The following RHBDD1 variants were observed in gnomAD, a reference collection of about 807,000 sequenced individuals.
RHBDD1 encodes the protein rhomboid-related protein 4.
RHBDD1 carries 38 observed loss-of-function variants against 36.3 expected under a neutral mutation model. That is an observed-to-expected ratio of 1.05 (90% CI 0.81 to 1.37). The LOEUF is 1.37. Ranked by LOEUF, RHBDD1 falls within the 40% of genes most tolerant of loss-of-function variation. The probability of loss-of-function intolerance (pLI) is 0.00; values close to 1 mark genes in which losing one functional copy is unlikely to be tolerated. For missense variants in RHBDD1, 393 were observed against 377.6 expected, an observed-to-expected ratio of 1.04 and a Z score of -0.34; for synonymous variants, 151 against 136.5, an observed-to-expected ratio of 1.11 and a Z score of -0.74.
At chr2:226,941,286 C>T (rs774015904) in intron 8 of RHBDD1, among the ~76,000 whole-genome samples, 1 of 152,170 alleles carries the variant, frequency 6.6e-6, no homozygotes, top group Non-Finnish European at 1.5e-5. Flanking sequence ...TTTTCTAGGG[C>T]TCCCATGAGT....
At chr2:226,958,007 A>G (rs149589202) in intron 8 of RHBDD1, among the ~76,000 whole-genome samples, 20 of 152,330 alleles carry the variant, frequency 1.3e-4, no homozygotes, top group African/African-American at 4.8e-4. Flanking sequence ...AAGGTTAAAC[A>G]TACAGTTTAA....
intron 8 of RHBDD1, among the ~76,000 whole-genome samples, chr2:226,968,575 G>T (rs1952848221): frequency 6.6e-6 from 1 of 152,140 alleles, no homozygotes; most frequent in African/African-American, 2.4e-5. Context: ...GTGTTTAATT[G>T]AATAACCTGA....
At chr2:226,955,120 G>C (rs559688003) in intron 8 of RHBDD1, among the ~76,000 whole-genome samples, 1 of 152,160 alleles carries the variant, frequency 6.6e-6, no homozygotes, top group East Asian at 1.9e-4. Context: ...CTTGGCTGAG[G>C]GGGCTGTGAG....
At chr2:226,855,550 T>C (rs1943241310) in intron 3 of RHBDD1, among the ~76,000 whole-genome samples, 1 of 152,176 alleles carries the variant, frequency 6.6e-6, no homozygotes, top group Non-Finnish European at 1.5e-5. Flanking sequence ...GTCAGAAAGA[T>C]ACAGCCAGTT....
chr2:226,967,700 T>G (rs1017244746), intron 8 of RHBDD1, among the ~76,000 whole-genome samples: 1 of 152,068 alleles, frequency 6.6e-6, no homozygotes. Context: ...ATTGTTATAG[T>G]GGAAAGAAGG....
chr2:226,963,867 A>G (rs1952416985), intron 8 of RHBDD1, among the ~76,000 whole-genome samples: 1 of 152,020 alleles, frequency 6.6e-6, no homozygotes, highest in South Asian at 2.1e-4. Flanking sequence ...CCATCATGAA[A>G]ACTACAAACG....
intron 8 of RHBDD1, among the ~76,000 whole-genome samples, chr2:226,941,645 A>G (rs2149161459): frequency 6.6e-6 from 1 of 152,322 alleles, no homozygotes; most frequent in African/African-American, 2.4e-5. Context: ...GGTCTTTTAG[A>G]TGTTGTCTAG....
chr2:226,802,682 C>A, the RHBDD1 span, among the ~76,000 whole-genome samples: 65 of 152,318 alleles, frequency 4.3e-4, 1 homozygote, highest in African/African-American at 1.5e-3. Flanking sequence ...TTACCAAAAT[C>A]TGTTGCTCAA....
the RHBDD1 span, among the ~76,000 whole-genome samples, chr2:226,817,454 A>T: frequency 6.6e-6 from 1 of 152,224 alleles, no homozygotes; most frequent in Non-Finnish European, 1.5e-5. Flanking sequence ...CTCAGCAGGG[A>T]ACCAAGAGGA....
chr2:226,887,933 A>C (rs776703943), intron 5 of RHBDD1, among the ~76,000 whole-genome samples: 2 of 152,218 alleles, frequency 1.3e-5, no homozygotes, highest in Non-Finnish European at 2.9e-5. Context: ...AATAACCTTA[A>C]AGTCATTTAA....
At chr2:226,800,900 T>C in the RHBDD1 span, among the ~76,000 whole-genome samples, 12 of 152,226 alleles carry the variant, frequency 7.9e-5, no homozygotes, top group Non-Finnish European at 1.2e-4. Flanking sequence ...CTGGGTCTAC[T>C]TGAAGCGCCC....
intron 5 of RHBDD1, among the ~76,000 whole-genome samples, chr2:226,893,157 A>G (rs1384281175): frequency 1.3e-5 from 2 of 152,196 alleles, no homozygotes; most frequent in African/African-American, 4.8e-5. Flanking sequence ...GAGTCCATCT[A>G]CCATAGGGCC....
At chr2:226,830,148 A>G in the RHBDD1 span, among the ~76,000 whole-genome samples, 3 of 152,194 alleles carry the variant, frequency 2.0e-5, no homozygotes, top group Non-Finnish European at 4.4e-5. Context: ...TCTTATGTTC[A>G]AATTCTAATC....
chr2:226,817,419 A>G, the RHBDD1 span, among the ~76,000 whole-genome samples: 1 of 152,210 alleles, frequency 6.6e-6, no homozygotes, highest in African/African-American at 2.4e-5. Flanking sequence ...ATAACTGGGC[A>G]CCGATCAGGT....
intron 3 of RHBDD1, among the ~76,000 whole-genome samples, chr2:226,855,530 ATAAAT>A (rs968003297): frequency 2.6e-5 from 4 of 152,234 alleles, no homozygotes; most frequent in Admixed American, 6.5e-5. Context: ...TCTAGGTTTG[ATAAAT>A]TAAAGTCAGA....
the RHBDD1 span, among the ~76,000 whole-genome samples, chr2:226,802,293 A>C: frequency 6.6e-6 from 1 of 152,250 alleles, no homozygotes; most frequent in Non-Finnish European, 1.5e-5. Flanking sequence ...CTGCTGTGAC[A>C]AATTATGTTC....
At chr2:226,842,109 C>T (rs1206439116) in intron 3 of RHBDD1, among the ~76,000 whole-genome samples, 1 of 152,072 alleles carries the variant, frequency 6.6e-6, no homozygotes, top group Admixed American at 6.5e-5. Flanking sequence ...TGAGAAGTGT[C>T]TGTTCATGTC....
At position 226,864,937 on chromosome 2, in the gene RHBDD1, T is replaced by G; in HGVS notation, c.244T>G (p.Tyr82Asp). 1 of 1,614,236 alleles carries G rather than the reference T, an allele frequency of 6.2e-7. No individual in the cohort carries two copies. The highest frequency in any genetic ancestry group is 1.1e-5 in the South Asian group (1 of 91,084). ...PLHHADDWHL[Y>D]FNMASMLWKG... is the part of the protein sequence containing the mutation. ...TCACCATGCTGATGATTGGCATTTGTATTTCAATATGGCATCCATGCTCTG... is the reference window on the plus strand; with the variant it reads ...TCACCATGCTGATGATTGGCATTTGGATTTCAATATGGCATCCATGCTCTG... Residue 82 changes from tyrosine to aspartate, a missense_variant, in exon 4 of 9, where the codon TAT becomes GAT. Transcript: ENST00000392062.
the RHBDD1 span, among the ~76,000 whole-genome samples, chr2:226,801,150 G>A: frequency 1.3e-5 from 2 of 152,202 alleles, no homozygotes; most frequent in Admixed American, 6.5e-5. Flanking sequence ...GGCACTGCAG[G>A]ATGCTGGCTG....
Sources: allele counts gnomAD v4.1 joint callset (sites outside exome capture counted in the v4.1 genomes callset), GRCh38; gene constraint gnomAD v4.1.1; transcripts MANE v1.5; gene names NCBI Gene and HGNC (gene_info 2026-07-23, HGNC 2026-07-21).